The following NALF1 variants were observed in gnomAD, a reference collection of about 807,000 sequenced individuals.
NALF1 encodes NALCN channel auxiliary factor 1.
In NALF1, 3 loss-of-function variants were observed where a neutral mutation model predicts 48.4. The ratio of observed to expected loss-of-function variants is 0.06; its 90% CI spans 0.03 to 0.16. The LOEUF is 0.16. Ranked by LOEUF, NALF1 falls within the 10% of genes least tolerant of loss-of-function variation. NALF1 has a pLI of 1.00. For missense variants in NALF1, 526 were observed against 571.5 expected (o/e 0.92, Z 0.81); for synonymous variants, 262 against 245.7 (o/e 1.07, Z -0.62).
chr13:107,729,275 T>C (rs959909933), intron 1 of NALF1, among the ~76,000 whole-genome samples: 1 of 152,172 alleles, frequency 6.6e-6, no homozygotes, highest in African/African-American at 2.4e-5. Context: ...ACATTTACCA[T>C]CTGACAATTT....
chr13:107,510,251 C>T (rs977719), intron 1 of NALF1, among the ~76,000 whole-genome samples: 56,389 of 152,040 alleles, frequency 0.37, 12,345 homozygotes, highest in Middle Eastern at 0.49. Context: ...CCAATTCCTC[C>T]TCTTCCCCTC....
At chr13:107,177,556 A>G (rs748177200) in intron 2 of NALF1, among the ~76,000 whole-genome samples, 2 of 151,486 alleles carry the variant, frequency 1.3e-5, no homozygotes, top group Non-Finnish European at 2.9e-5. Context: ...ACATAGACCA[A>G]TGGAACAGAA....
At chr13:107,321,216 T>C (rs749556354) in intron 1 of NALF1, among the ~76,000 whole-genome samples, 1 of 152,132 alleles carries the variant, frequency 6.6e-6, no homozygotes, top group Non-Finnish European at 1.5e-5. Flanking sequence ...ATCCTAATGA[T>C]GGGCCTTTAA....
At chr13:107,307,240 G>A (rs979868257) in intron 1 of NALF1, among the ~76,000 whole-genome samples, 2 of 152,074 alleles carry the variant, frequency 1.3e-5, no homozygotes, top group Non-Finnish European at 2.9e-5. Flanking sequence ...GACTCACCTA[G>A]GGAGGTTGGA....
chr13:107,659,713 C>T (rs974815742), intron 1 of NALF1, among the ~76,000 whole-genome samples: 1 of 151,758 alleles, frequency 6.6e-6, no homozygotes, highest in Non-Finnish European at 1.5e-5. Context: ...TGGATTTGGC[C>T]GCCACTGAAT....
intron 1 of NALF1, among the ~76,000 whole-genome samples, chr13:107,218,273 A>G (rs1474863613): frequency 6.6e-6 from 1 of 152,184 alleles, no homozygotes; most frequent in East Asian, 1.9e-4. Flanking sequence ...TCGGCAGTTC[A>G]GTACATGTGA....
At chr13:107,249,194 T>A (rs894846132) in intron 1 of NALF1, among the ~76,000 whole-genome samples, 15 of 152,106 alleles carry the variant, frequency 9.9e-5, no homozygotes, top group Admixed American at 9.8e-4. Flanking sequence ...GCAAAATTTA[T>A]TCTTTGAGAT....
intron 1 of NALF1, among the ~76,000 whole-genome samples, chr13:107,574,209 T>C (rs1878072204): frequency 6.6e-6 from 1 of 152,224 alleles, no homozygotes; most frequent in Non-Finnish European, 1.5e-5. Flanking sequence ...TTGGAGTTTC[T>C]GTTTTATGCA....
intron 1 of NALF1, among the ~76,000 whole-genome samples, chr13:107,221,601 T>C (rs1366203579): frequency 6.6e-6 from 1 of 151,886 alleles, no homozygotes; most frequent in East Asian, 1.9e-4. Context: ...AGTAAAAAAA[T>C]AAAAAAGAAC....
chr13:107,842,654 T>C (rs1285903035), intron 1 of NALF1, among the ~76,000 whole-genome samples: 2 of 151,490 alleles, frequency 1.3e-5, no homozygotes, highest in African/African-American at 4.8e-5. Flanking sequence ...AAGAATGGCC[T>C]TTATGGCAGG....
rs778726221 is a variant in NALF1 at position 107,164,694 on chromosome 13, T to C, written c.*5803A>G. 3 of 152,136 alleles carry C rather than the reference T, an allele frequency of 2.0e-5. No individual in the cohort carries two copies. The highest frequency in any genetic ancestry group is 2.9e-5 in the Non-Finnish European group (2 of 68,032). The allele number at this position is 152,136 out of a possible 1,614,324, so 9.4% of individuals were successfully genotyped here. On this transcript the variant is annotated 3_prime_UTR_variant, in exon 3 of 3. Transcript: ENST00000375915. Reference sequence around the variant, plus strand: ...CCAATGCTGTTTATATTAAAAGTCATCAGAGCTCACTTTAGTTCTGTAATA... The same window carrying C: ...CCAATGCTGTTTATATTAAAAGTCACCAGAGCTCACTTTAGTTCTGTAATA...
chr13:107,767,979 C>A (rs2138567188), intron 1 of NALF1, among the ~76,000 whole-genome samples: 1 of 152,176 alleles, frequency 6.6e-6, no homozygotes, highest in African/African-American at 2.4e-5. Flanking sequence ...GCAGTCAATC[C>A]ACAGATTCCT....
chr13:107,699,901 T>C (rs370637797), intron 1 of NALF1, among the ~76,000 whole-genome samples: 2 of 152,016 alleles, frequency 1.3e-5, no homozygotes, highest in East Asian at 1.9e-4. Flanking sequence ...AACAATCCCA[T>C]TTATAATAGA....
chr13:107,595,307 C>T (rs1594149202), intron 1 of NALF1, among the ~76,000 whole-genome samples: 1 of 152,058 alleles, frequency 6.6e-6, no homozygotes, highest in African/African-American at 2.4e-5. Context: ...ATAAGAAACA[C>T]AATTCTTTTA....
intron 1 of NALF1, among the ~76,000 whole-genome samples, chr13:107,477,172 G>A (rs1181776759): frequency 6.6e-6 from 1 of 152,084 alleles, no homozygotes; most frequent in East Asian, 1.9e-4. Context: ...TAATAACGAG[G>A]ACCAAGAATC....
rs141011576 is a variant in NALF1, at chr13:107,591,383, C to T, written c.915+274299G>A. 2.6e-4 allele frequency among the ~76,000 whole-genome samples: 39 copies of T among 152,138 alleles called. 2 individuals are homozygous for T. In the East Asian group the frequency reaches 5.4e-3, roughly 21 times the overall value. On this transcript the variant is annotated intron_variant, in intron 1 of 2. Coordinates refer to ENST00000375915, the MANE Select transcript of NALF1 (RefSeq NM_001080396.3). ...GCATTGAGACTTCTTCAGAGACTGA[C>T]TGAAAGATTTCAGTACATCCAAACC...
chr13:107,719,480 T>C (rs183042659), intron 1 of NALF1, among the ~76,000 whole-genome samples: 331 of 152,300 alleles, frequency 2.2e-3, no homozygotes, highest in Non-Finnish European at 3.0e-3. Context: ...CCCCTTTCAA[T>C]AGTCACTTTG....
intron 1 of NALF1, among the ~76,000 whole-genome samples, chr13:107,350,686 C>T (rs772186512): frequency 1.3e-5 from 2 of 152,142 alleles, no homozygotes; most frequent in Non-Finnish European, 2.9e-5. Flanking sequence ...TTCCCTTTTC[C>T]TGAGCGTTTC....
rs11842649 is a variant in NALF1, at chr13:107,376,987, A to T, written c.916-166232T>A. Among the ~76,000 whole-genome samples the T allele has an allele frequency of 1.7e-3, 266 of 152,248 alleles. 3 individuals carry two copies. The highest frequency in any genetic ancestry group is 6.0e-3 in the African/African-American group (248 of 41,552). On this transcript the variant is annotated intron_variant, in intron 1 of 2. Transcript: ENST00000375915. The stretch of plus-strand genomic sequence containing the variant: ...AAAACTGCCTTCATTCTCTGGCCGC[A>T]TTTAATGCCAACCGATTTCTCTGTC...
Sources: allele counts gnomAD v4.1 joint callset (sites outside exome capture counted in the v4.1 genomes callset), GRCh38; gene constraint gnomAD v4.1.1; transcripts MANE v1.5; gene names NCBI Gene and HGNC (gene_info 2026-07-23, HGNC 2026-07-21).